Variants in SENP2 observed in about 807,000 individuals in gnomAD.
The protein encoded by SENP2 is sentrin-specific protease 2.
Under a neutral mutation model 86.3 loss-of-function variants are expected in SENP2, and 16 were observed. That is an observed-to-expected ratio of 0.19 (90% confidence interval 0.13 to 0.28). The LOEUF (loss-of-function observed/expected upper bound fraction) is 0.28, where lower values mean the gene tolerates loss of function less well. SENP2 is among the 10% of genes least tolerant of loss of function. The pLI is 1.00. For missense variants in SENP2, 552 were observed against 703.0 expected, an observed-to-expected ratio of 0.79 and a Z score of 2.43; for synonymous variants, 222 against 238.7, an observed-to-expected ratio of 0.93 and a Z score of 0.64.
intron 2 of SENP2, among the ~76,000 whole-genome samples, chr3:185,590,549 GA>G (rs1233678068): frequency 2.6e-4 from 35 of 136,036 alleles, no homozygotes; most frequent in South Asian, 4.8e-4. Context: ...ACTGTGTCAG[GA>G]AAAAAAAAAA....
chr3:185,624,153 C>T, intron 15 of SENP2, 71 bp downstream of exon 15: 1 of 882,984 alleles, frequency 1.1e-6, no homozygotes, highest in Non-Finnish European at 1.8e-6. Context: ...AGATTTGGCT[C>T]CCTTCCTGCC....
At chr3:185,604,704 G>C (rs565309599) in intron 5 of SENP2, among the ~76,000 whole-genome samples, 1 of 151,746 alleles carries the variant, frequency 6.6e-6, no homozygotes, top group Non-Finnish European at 1.5e-5. Context: ...CCATTTAAGA[G>C]TCTTTGATTC....
At position 185,632,224 on chromosome 3, in the gene SENP2, GTTTT is replaced by G. The variant is rs766556308; in HGVS notation, c.*2389_*2392del. ...CATTAAAGCCAGTGGTTTTTTTTTT[GTTTT>G]TTTTTTTTGTTTTTTTTTTTTTTTT... On this transcript the variant is annotated 3_prime_UTR_variant, in exon 17 of 17. Transcript: ENST00000296257. 2 of 71,904 alleles carry G rather than the reference GTTTT, an allele frequency of 2.8e-5. No individual in the cohort carries two copies. Among genetic ancestry groups the G allele is most frequent in the Admixed American group, 1.5e-4 (1 of 6,672 alleles). The allele number at this position is 71,904 out of a possible 1,614,324, so 4.5% of individuals were successfully genotyped here. A position where few individuals can be genotyped will look rare whatever the true frequency, so the allele number is the denominator to read the frequency against.
rs770012245 is a variant in SENP2, at chr3:185,606,361, A to C, written c.481A>C (p.Arg161=). The C allele has an allele frequency of 6.8e-6, 11 of 1,610,426 alleles. No homozygotes were observed. The African/African-American group carries it at 1.2e-4, about 18-fold the overall frequency. ...TTTGAACTCAGAAGGCTGTAATAGAAGACCAGGTGGCCGTCGCCATAGCAA... is the reference window on the plus strand; with the variant it reads ...TTTGAACTCAGAAGGCTGTAATAGACGACCAGGTGGCCGTCGCCATAGCAA... ...FTLNSEGCNR[R]PGGRRHSKGN... Residue 161 remains arginine, a synonymous_variant, in exon 6 of 17, where the codon AGA becomes CGA. Coordinates refer to ENST00000296257, the MANE Select transcript of SENP2 (RefSeq NM_021627.3).
intron 2 of SENP2, among the ~76,000 whole-genome samples, chr3:185,596,998 C>T (rs1372005098): frequency 2.0e-5 from 3 of 152,100 alleles, no homozygotes; most frequent in Non-Finnish European, 2.9e-5. Context: ...GGACTAAAGG[C>T]GCACACCACT....
chr3:185,616,420 G>A (rs1445295453), intron 11 of SENP2, among the ~76,000 whole-genome samples: 1 of 149,206 alleles, frequency 6.7e-6, no homozygotes. Context: ...GCAGTGAACT[G>A]AGATCATGCA....
At chr3:185,595,181 C>G (rs1383493008) in intron 2 of SENP2, among the ~76,000 whole-genome samples, 1 of 151,960 alleles carries the variant, frequency 6.6e-6, no homozygotes, top group Non-Finnish European at 1.5e-5. Context: ...AGGGGCATAC[C>G]GAGATTTTGA....
intron 12 of SENP2, among the ~76,000 whole-genome samples, chr3:185,618,747 C>T (rs1376701420): frequency 2.6e-5 from 4 of 151,850 alleles, no homozygotes; most frequent in East Asian, 1.9e-4. Context: ...GGCATGGTGG[C>T]GGGTACCTGT....
chr3:185,622,965 C>T (rs931027141), intron 14 of SENP2, among the ~76,000 whole-genome samples: 25 of 151,358 alleles, frequency 1.7e-4, no homozygotes, highest in African/African-American at 5.6e-4. Context: ...TACAGGCTTC[C>T]GTCACTATGC....
intron 7 of SENP2, among the ~76,000 whole-genome samples, chr3:185,610,106 TTA>T (rs1359202906): frequency 6.6e-6 from 1 of 151,390 alleles, no homozygotes; most frequent in African/African-American, 2.4e-5. Context: ...ATCCCAGAAA[TTA>T]TATAATAGCA....
At chr3:185,614,115 A>C in intron 10 of SENP2, among the ~76,000 whole-genome samples, 1 of 152,170 alleles carries the variant, frequency 6.6e-6, no homozygotes, top group East Asian at 1.9e-4. Context: ...TGGTACATTA[A>C]TGTTTTGTGC....
chr3:185,588,400 C>T (rs1290463179), intron 1 of SENP2, among the ~76,000 whole-genome samples: 1 of 151,788 alleles, frequency 6.6e-6, no homozygotes. Flanking sequence ...ACCGTGTTAG[C>T]CAGGATGGTC....
At chr3:185,593,699 T>C (rs572171809) in intron 2 of SENP2, among the ~76,000 whole-genome samples, 2 of 151,800 alleles carry the variant, frequency 1.3e-5, no homozygotes, top group African/African-American at 2.4e-5. Flanking sequence ...CAGGCCCAAC[T>C]AGAACTTAGT....
At chr3:185,599,684 C>G (rs1467258899) in intron 4 of SENP2, among the ~76,000 whole-genome samples, 2 of 152,084 alleles carry the variant, frequency 1.3e-5, no homozygotes, top group Admixed American at 6.6e-5. Flanking sequence ...TGATAAAAGC[C>G]TTAGAGTTGT....
intron 16 of SENP2, among the ~76,000 whole-genome samples, chr3:185,627,004 G>A (rs936887022): frequency 4.7e-5 from 7 of 150,514 alleles, no homozygotes; most frequent in East Asian, 2.0e-4. Flanking sequence ...GCTTGAACCC[G>A]GGAGGTGGAG....
At chr3:185,594,332 A>T (rs1722106476) in intron 2 of SENP2, among the ~76,000 whole-genome samples, 1 of 152,200 alleles carries the variant, frequency 6.6e-6, no homozygotes, top group African/African-American at 2.4e-5. Context: ...AGGGAATCTA[A>T]ACCAAAGGGT....
In SENP2 at chr3:185,630,948, A is replaced by C. The variant is rs1419941430; in HGVS notation, c.*1104A>C. 10 of 152,130 alleles carry C rather than the reference A, an allele frequency of 6.6e-5. No individual in the cohort carries two copies. Among genetic ancestry groups the C allele is most frequent in the Non-Finnish European group, 1.5e-5 (1 of 68,028 alleles). The allele number at this position is 152,130 out of a possible 1,614,324, so 9.4% of individuals were successfully genotyped here. On this transcript the variant is annotated 3_prime_UTR_variant, in exon 17 of 17. Transcript: ENST00000296257. The stretch of plus-strand genomic sequence containing the variant: ...ATACAATAATCTATTTTGCATATGA[A>C]AGTTTGTATTTAACTTTTTTGTTCA...
At chr3:185,612,684 CTT>C in intron 9 of SENP2, 26 bp downstream of exon 9, 1 of 1,515,844 alleles carries the variant, frequency 6.6e-7, no homozygotes, top group Non-Finnish European at 9.1e-7. Context: ...TCATTCTACA[CTT>C]TCTTTTAATA....
chr3:185,617,341 T>C, intron 11 of SENP2, 139 bp from the exon 12 acceptor site: 1 of 540,164 alleles, frequency 1.9e-6, no homozygotes, highest in Non-Finnish European at 3.2e-6. Context: ...TACTGTAGTT[T>C]AGTAGGTCTT....
Sources: allele counts gnomAD v4.1 joint callset (sites outside exome capture counted in the v4.1 genomes callset), GRCh38; gene constraint gnomAD v4.1.1; transcripts MANE v1.5; gene names NCBI Gene and HGNC (gene_info 2026-07-23, HGNC 2026-07-21).